LRP8: variants seen among roughly 807,000 people sequenced by gnomAD.
LRP8 encodes the protein low-density lipoprotein receptor-related protein 8.
In LRP8, 46 loss-of-function variants were observed where a neutral mutation model predicts 111.6. The observed-to-expected ratio is 0.41, with a 90% CI of 0.33 to 0.53. The LOEUF (loss-of-function observed/expected upper bound fraction) is 0.53, where lower values mean the gene tolerates loss of function less well. Among genes scored for constraint, LRP8 ranks in the 20% least tolerant of loss-of-function variants. The pLI is 0.20. For synonymous variants in LRP8, 464 were observed against 511.2 expected, an observed-to-expected ratio of 0.91 and a Z score of 1.24; for missense variants, 959 against 1,297.4, an observed-to-expected ratio of 0.74 and a Z score of 4.01.
chr1:53,286,065 T>G (rs890171747), intron 3 of LRP8, among the ~76,000 whole-genome samples: 1 of 152,236 alleles, frequency 6.6e-6, no homozygotes, highest in African/African-American at 2.4e-5. Context: ...ATGAAAGTAC[T>G]TGGCGGCTGC....
intron 2 of LRP8, among the ~76,000 whole-genome samples, chr1:53,320,679 G>A (rs1572696637): frequency 1.3e-5 from 2 of 152,308 alleles, no homozygotes; most frequent in Admixed American, 1.3e-4. Flanking sequence ...CATGGGAGCT[G>A]GAAAAGGCCT....
chr1:53,287,455 G>A (rs1280475212), intron 3 of LRP8, among the ~76,000 whole-genome samples: 5 of 152,166 alleles, frequency 3.3e-5, no homozygotes, highest in South Asian at 2.1e-4. Flanking sequence ...CTGGAATTCC[G>A]GAGTGTTACT....
At chr1:53,298,708 G>A (rs1650228451) in intron 2 of LRP8, among the ~76,000 whole-genome samples, 1 of 152,280 alleles carries the variant, frequency 6.6e-6, no homozygotes, top group South Asian at 2.1e-4. Context: ...TGGAAACGTG[G>A]CCTCCTCTGA....
In LRP8 at chr1:53,302,904, T is replaced by A. The variant is rs1651248030; in HGVS notation, c.245-13215A>T. On this transcript the variant is annotated intron_variant, in intron 2 of 18. Coordinates refer to ENST00000306052, the MANE Select transcript of LRP8 (RefSeq NM_004631.5). ...TGTTGTAGAGACAGTTTCATCATGC[T>A]GCCCAGGCGGCCTAGAGCCGTACTA... Among the ~76,000 whole-genome samples, 3 of 151,304 alleles carry A rather than the reference T, an allele frequency of 2.0e-5. No homozygotes were observed. The South Asian group carries it at 6.3e-4, about 32-fold the overall frequency.
At chr1:53,278,193 C>T (rs995794386) in intron 4 of LRP8, among the ~76,000 whole-genome samples, 1 of 152,232 alleles carries the variant, frequency 6.6e-6, no homozygotes, top group Non-Finnish European at 1.5e-5. Flanking sequence ...GCTTTTCTTT[C>T]CTACTCTGAC....
At position 53,249,168 on chromosome 1, in the gene LRP8, C is replaced by T. The variant is rs1645817841; in HGVS notation, c.2853+212G>A. 6.6e-6 allele frequency among the ~76,000 whole-genome samples: 1 copy of T among 152,230 alleles called. No individual in the cohort carries two copies. Among genetic ancestry groups the T allele is most frequent in the Admixed American group, 6.5e-5 (1 of 15,292 alleles). ...CCCCTTCATGAACAGTTTGCCTCAG[C>T]AGCAATTCTGTCTGCCCTGCCCCAA... is the stretch of plus-strand genomic sequence containing the variant. On this transcript the variant is annotated intron_variant, in intron 18 of 18. Coordinates refer to ENST00000306052, the MANE Select transcript of LRP8 (RefSeq NM_004631.5). The surrounding 1 kb of genome is among the most constrained non-coding windows in gnomAD (Gnocchi z 4.1).
chr1:53,255,138 T>C lies in LRP8; in HGVS notation c.2482A>G (p.Ile828Val). 1 of 1,613,774 alleles carries C rather than the reference T, an allele frequency of 6.2e-7. No homozygotes were observed. Among genetic ancestry groups the C allele is most frequent in the Non-Finnish European group, 8.5e-7 (1 of 1,179,914 alleles). Residue 828 changes from isoleucine (I) to valine (V), a missense_variant, in exon 16 of 19, where the codon ATC (isoleucine) becomes GTC (valine). Coordinates refer to ENST00000306052, the MANE Select transcript of LRP8 (RefSeq NM_004631.5). Reference sequence around the variant, plus strand: ...TCACCTATGGGCACGATGATCCCGATAACAGCGGCAGTGACTGTTGAGCCC... The same window carrying C: ...TCACCTATGGGCACGATGATCCCGACAACAGCGGCAGTGACTGTTGAGCCC... ...KMGSTVTAAV[I>V]GIIVPIVVIA...
intron 2 of LRP8, among the ~76,000 whole-genome samples, chr1:53,324,483 G>A (rs186274932): frequency 6.6e-6 from 1 of 152,304 alleles, no homozygotes; most frequent in East Asian, 1.9e-4. Context: ...CAGCGTTGGA[G>A]GGACAGCTGC....
intron 6 of LRP8, among the ~76,000 whole-genome samples, chr1:53,273,820 G>C (rs1646832908): frequency 6.6e-6 from 1 of 152,132 alleles, no homozygotes; most frequent in Non-Finnish European, 1.5e-5. Context: ...GGGAAGCTCA[G>C]GAGGATGAAC....
chr1:53,251,781 C>T (rs918074540), intron 16 of LRP8, among the ~76,000 whole-genome samples: 3 of 151,910 alleles, frequency 2.0e-5, no homozygotes, highest in South Asian at 2.1e-4. Context: ...CGGTGGCTCA[C>T]GCCTGTAATC....
At chr1:53,309,696 C>G (rs1036301481) in intron 2 of LRP8, among the ~76,000 whole-genome samples, 7 of 152,140 alleles carry the variant, frequency 4.6e-5, no homozygotes, top group African/African-American at 1.7e-4. Flanking sequence ...AAGCTGCCCC[C>G]TGAGGGCCCA....
rs2100430339 is a variant in LRP8 at position 53,279,883 on chromosome 1, A to C, written c.496+704T>G. ...CCTGGCTTCAGGCCTGGCACACAGTAGGTGCCCCTCGAATTGAAAAAGTGA... is the reference window on the plus strand; with the variant it reads ...CCTGGCTTCAGGCCTGGCACACAGTCGGTGCCCCTCGAATTGAAAAAGTGA... On this transcript the variant is annotated intron_variant, in intron 4 of 18. Coordinates refer to ENST00000306052, the MANE Select transcript of LRP8 (RefSeq NM_004631.5). The surrounding 1 kb of genome is among the most constrained non-coding windows in gnomAD (Gnocchi z 4.4). Among the ~76,000 whole-genome samples, 1 of 152,356 alleles carries C rather than the reference A, an allele frequency of 6.6e-6. No individual in the cohort carries two copies. Among genetic ancestry groups the C allele is most frequent in the South Asian group, 2.1e-4 (1 of 4,828 alleles).
At chr1:53,287,647 G>GGT (rs1647777849) in intron 3 of LRP8, among the ~76,000 whole-genome samples, 1 of 152,178 alleles carries the variant, frequency 6.6e-6, no homozygotes, top group South Asian at 2.1e-4. Flanking sequence ...GACCTGCCAT[G>GGT]GATAAGCTGT....
In LRP8 at chr1:53,262,367, A is replaced by G. The variant is rs1646372610; in HGVS notation, c.1774+79T>C. 6.5e-7 allele frequency: 1 copy of G among 1,533,110 alleles called. No homozygotes were observed. The highest frequency in any genetic ancestry group is 1.4e-5 in the African/African-American group (1 of 73,050). The allele number at this position is 1,533,110 out of a possible 1,614,324, so 95.0% of individuals were successfully genotyped here. On this transcript the variant is annotated intron_variant, in intron 11 of 18. Coordinates refer to ENST00000306052, the MANE Select transcript of LRP8 (RefSeq NM_004631.5). This position sits in a 1 kb window ranked among gnomAD's most constrained non-coding sequence, Gnocchi z 4.8. ...ACTGGCACCATGAGAGGACCCAGAA[A>G]CAAGACTCATGGAGTTCCAGACAGT...
rs183065039 is a variant in LRP8, at chr1:53,262,892, C to T, written c.1656-328G>A. ...TGGGGAAGGCCCTAGTAAGCCCTCT[C>T]TTTTCTGGTTTCAGAGGAGAAAGTG... On this transcript the variant is annotated intron_variant, in intron 10 of 18. Coordinates refer to ENST00000306052, the MANE Select transcript of LRP8 (RefSeq NM_004631.5). This position sits in a 1 kb window ranked among gnomAD's most constrained non-coding sequence, Gnocchi z 4.8. Among the ~76,000 whole-genome samples, 159 of 152,318 alleles carry T rather than the reference C, an allele frequency of 1.0e-3. No individual in the cohort carries two copies. Among genetic ancestry groups the T allele is most frequent in the African/African-American group, 3.7e-3 (155 of 41,568 alleles).
At chr1:53,259,328 T>A (rs1378811233) in intron 13 of LRP8, among the ~76,000 whole-genome samples, 1 of 151,724 alleles carries the variant, frequency 6.6e-6, no homozygotes, top group African/African-American at 2.4e-5. Flanking sequence ...CCCAGGCTGG[T>A]CCCAAACTCC....
chr1:53,254,685 C>T lies in LRP8; in HGVS notation c.2503+432G>A, dbSNP rs144254202. Among the ~76,000 whole-genome samples, 819 of 152,150 alleles carry T rather than the reference C, an allele frequency of 5.4e-3. 9 individuals are homozygous for T. The highest frequency in any genetic ancestry group is 0.019 in the African/African-American group (785 of 41,502). On this transcript the variant is annotated intron_variant, in intron 16 of 18. Coordinates refer to ENST00000306052, the MANE Select transcript of LRP8 (RefSeq NM_004631.5). ...TGCTTAATAAATACTTGTTGAAAAC[C>T]AAACAGAAAGAAAACAAGACAGTAT... is the stretch of plus-strand genomic sequence containing the variant.
rs1645868471 is a variant in LRP8, at chr1:53,250,690, T to C, written c.2676A>G (p.Ala892=). 1 of 1,613,510 alleles carries C rather than the reference T, an allele frequency of 6.2e-7. No individual in the cohort carries two copies. The highest frequency in any genetic ancestry group is 1.3e-5 in the African/African-American group (1 of 74,910). The part of the protein sequence containing the change: ...RTAQIGHVYP[A]AISSFDRPLW... Reference sequence around the variant, plus strand: ...AATTCTCCCAGTGAGAAATACTTACTGCAGGATAGACATGGCCAATCTGAG... The same window carrying C: ...AATTCTCCCAGTGAGAAATACTTACCGCAGGATAGACATGGCCAATCTGAG... Residue 892 remains alanine (A), a splice_region_variant and synonymous_variant, in exon 17 of 19, where the codon GCA becomes GCG. Coordinates refer to ENST00000306052, the MANE Select transcript of LRP8 (RefSeq NM_004631.5). This position sits in a 1 kb window ranked among gnomAD's most constrained non-coding sequence, Gnocchi z 4.6.
chr1:53,251,003 T>C, intron 16 of LRP8, 141 bp from the exon 17 acceptor site: 1 of 668,354 alleles, frequency 1.5e-6, no homozygotes, highest in Non-Finnish European at 2.6e-6. Context: ...TACTGCTGTT[T>C]GAAAGCCCAT....
Sources: gnomAD v4.1 joint callset for allele counts (sites outside exome capture counted in the v4.1 genomes callset) on GRCh38, gnomAD v4.1.1 for gene constraint, Gnocchi (gnomAD v3.1) non-coding constraint, MANE v1.5 for transcripts, NCBI Gene and HGNC (gene_info 2026-07-23, HGNC 2026-07-21) for gene names.